MAP3K5: variants seen among roughly 807,000 people sequenced by gnomAD.
MAP3K5 encodes mitogen-activated protein kinase kinase kinase 5.
In MAP3K5, 56 loss-of-function variants were observed where a neutral mutation model predicts 158.7. The ratio of observed to expected loss-of-function variants is 0.35; its 90% confidence interval spans 0.28 to 0.44. The LOEUF is 0.44. Among genes scored for constraint, MAP3K5 ranks in the 20% least tolerant of loss-of-function variants. The pLI, the probability that MAP3K5 is intolerant of heterozygous loss-of-function variation, is 1.00. For missense variants in MAP3K5, 1,294 were observed against 1,674.8 expected (o/e 0.77, Z 3.97); for synonymous variants, 579 against 601.7 (o/e 0.96, Z 0.55).
chr6:136,579,573 G>A (rs1433689216), intron 25 of MAP3K5, among the ~76,000 whole-genome samples: 1 of 152,174 alleles, frequency 6.6e-6, no homozygotes, highest in Non-Finnish European at 1.5e-5. Context: ...TATTATATAT[G>A]TAGAATTCCT....
At chr6:136,614,760 T>A (rs1776492961) in intron 15 of MAP3K5, among the ~76,000 whole-genome samples, 1 of 152,206 alleles carries the variant, frequency 6.6e-6, no homozygotes, top group Non-Finnish European at 1.5e-5. Context: ...AATTTACTAT[T>A]AATCAGGAGA....
intron 21 of MAP3K5, among the ~76,000 whole-genome samples, chr6:136,594,344 A>G (rs368770148): frequency 1.9e-3 from 282 of 152,272 alleles, no homozygotes; most frequent in African/African-American, 6.4e-3. Context: ...CCCAAACACC[A>G]AACTGCTTTT....
At chr6:136,718,916 C>T (rs1781637895) in intron 2 of MAP3K5, among the ~76,000 whole-genome samples, 1 of 152,098 alleles carries the variant, frequency 6.6e-6, no homozygotes, top group Non-Finnish European at 1.5e-5. Context: ...CAGCTCACAC[C>T]TATAATCCCA....
chr6:136,777,135 T>C (rs1784431168), intron 1 of MAP3K5, among the ~76,000 whole-genome samples: 1 of 152,210 alleles, frequency 6.6e-6, no homozygotes, highest in Non-Finnish European at 1.5e-5. Flanking sequence ...ATTCTTGTCA[T>C]AACTCATGTG....
chr6:136,742,552 G>A (rs1310286724), intron 1 of MAP3K5, among the ~76,000 whole-genome samples: 1 of 151,996 alleles, frequency 6.6e-6, no homozygotes, highest in Non-Finnish European at 1.5e-5. Context: ...AAAACTCCTG[G>A]AAAATAACAT....
intron 7 of MAP3K5, among the ~76,000 whole-genome samples, chr6:136,687,443 G>A (rs1018841007): frequency 3.3e-5 from 5 of 152,114 alleles, no homozygotes; most frequent in African/African-American, 1.2e-4. Context: ...TTAAACAAAA[G>A]AGCTTCTGCA....
At chr6:136,579,827 C>T (rs1774788740) in intron 25 of MAP3K5, 1 of 456,554 alleles carries the variant, frequency 2.2e-6, no homozygotes, top group Admixed American at 2.4e-5. Context: ...AATCAGATTC[C>T]TGGGCTTTAT....
chr6:136,596,125 TAA>T (rs1178073139), intron 21 of MAP3K5, among the ~76,000 whole-genome samples: 1 of 152,016 alleles, frequency 6.6e-6, no homozygotes, highest in Non-Finnish European at 1.5e-5. Flanking sequence ...TGGGGAAAGA[TAA>T]AAAGACAGCA....
chr6:136,724,175 C>T (rs953541210), intron 1 of MAP3K5, among the ~76,000 whole-genome samples: 1 of 151,426 alleles, frequency 6.6e-6, no homozygotes, highest in Non-Finnish European at 1.5e-5. Flanking sequence ...TTCCAGAGAA[C>T]TGACATGTGG....
chr6:136,669,885 GT>G (rs1426047163), intron 7 of MAP3K5, among the ~76,000 whole-genome samples: 13 of 9,468 alleles, frequency 1.4e-3, no homozygotes, highest in East Asian at 0.062. Context: ...ATCATTCAGG[GT>G]GTGTGTGTGT....
chr6:136,606,867 A>T (rs907400136), intron 18 of MAP3K5, among the ~76,000 whole-genome samples: 11 of 152,252 alleles, frequency 7.2e-5, no homozygotes, highest in African/African-American at 2.4e-4. Context: ...TCCTCTGAAA[A>T]GCACTATCAT....
chr6:136,697,127 C>T, intron 5 of MAP3K5, 92 bp downstream of exon 5: 1 of 1,107,274 alleles, frequency 9.0e-7, no homozygotes, highest in East Asian at 2.5e-5. Flanking sequence ...GTAACATGAA[C>T]TGCTTACCAG....
rs374775991 is a variant in MAP3K5 at position 136,758,485 on chromosome 6, G to A, written c.448+33225C>T. Among the ~76,000 whole-genome samples, 22 of 152,022 alleles carry A rather than the reference G, an allele frequency of 1.4e-4. No individual in the cohort carries two copies. In the East Asian group the frequency reaches 2.1e-3, roughly 15 times the overall value. ...CTTCAAATTCATAAATATATCTTTC[G>A]TTTCCCATTTTTTTAAAAAAGCCAT... is the stretch of plus-strand genomic sequence containing the variant. On this transcript the variant is annotated intron_variant, in intron 1 of 29. Transcript: ENST00000359015.
intron 1 of MAP3K5, among the ~76,000 whole-genome samples, chr6:136,762,352 T>C (rs1437030797): frequency 6.6e-6 from 1 of 152,208 alleles, no homozygotes; most frequent in Non-Finnish European, 1.5e-5. Flanking sequence ...GAGGAATCCA[T>C]GCTTTTTCCA....
intron 24 of MAP3K5, 101 bp downstream of exon 24, chr6:136,583,454 T>C (rs1774976752): frequency 1.9e-6 from 2 of 1,078,592 alleles, no homozygotes; most frequent in South Asian, 3.5e-5. Flanking sequence ...AGAATAGAGT[T>C]CACTGGAATT....
chr6:136,630,552 C>T (rs1330074783), intron 14 of MAP3K5, among the ~76,000 whole-genome samples: 1 of 152,188 alleles, frequency 6.6e-6, no homozygotes, highest in Non-Finnish European at 1.5e-5. Flanking sequence ...CTTTTGCGGA[C>T]ATAAGCAATG....
chr6:136,768,913 T>C (rs1259089380), intron 1 of MAP3K5, among the ~76,000 whole-genome samples: 1 of 147,814 alleles, frequency 6.8e-6, no homozygotes, highest in Non-Finnish European at 1.5e-5. Context: ...TGAAACTCCA[T>C]GTCAAAAAAA....
chr6:136,622,174 C>T (rs1329520479), intron 15 of MAP3K5, among the ~76,000 whole-genome samples: 1 of 152,064 alleles, frequency 6.6e-6, no homozygotes, highest in Non-Finnish European at 1.5e-5. Context: ...TCTCTGAGGA[C>T]CTGGTAAAGC....
At chr6:136,676,823 A>C (rs1420053654) in intron 7 of MAP3K5, among the ~76,000 whole-genome samples, 2 of 134,950 alleles carry the variant, frequency 1.5e-5, no homozygotes, top group African/African-American at 2.8e-5. Flanking sequence ...ACAGAGTCTC[A>C]CTCTGTCATC....
Sources: gnomAD v4.1 joint callset for allele counts (sites outside exome capture counted in the v4.1 genomes callset) on GRCh38, gnomAD v4.1.1 for gene constraint, MANE v1.5 for transcripts, NCBI Gene and HGNC (gene_info 2026-07-23, HGNC 2026-07-21) for gene names.